The following KANK1 variants were observed in gnomAD, a reference collection of about 807,000 sequenced individuals.
The protein encoded by KANK1 is KN motif and ankyrin repeat domains 1.
Under a neutral mutation model 106.2 loss-of-function variants are expected in KANK1, and 109 were observed. The ratio of observed to expected loss-of-function variants is 1.03; its 90% confidence interval spans 0.88 to 1.20. KANK1 has a LOEUF of 1.20. Among genes scored for constraint, KANK1 ranks in the 50% most tolerant of loss-of-function variants. The probability of loss-of-function intolerance (pLI) is 0.00; values close to 1 mark genes in which losing one functional copy is unlikely to be tolerated. For synonymous variants in KANK1, 873 were observed against 652.2 expected, an observed-to-expected ratio of 1.34 and a Z score of -5.16; for missense variants, 2,399 against 1,710.7, an observed-to-expected ratio of 1.40 and a Z score of -7.10.
intron 1 of KANK1, among the ~76,000 whole-genome samples, chr9:569,590 T>C (rs1257204433): frequency 6.6e-6 from 1 of 152,158 alleles, no homozygotes. Flanking sequence ...CTGTAAGAAA[T>C]AAATACCTTT....
intron 1 of KANK1, among the ~76,000 whole-genome samples, chr9:518,772 CAA>C (rs1350606952): frequency 6.6e-6 from 1 of 151,572 alleles, no homozygotes; most frequent in Non-Finnish European, 1.5e-5. Flanking sequence ...ATACAGTGAA[CAA>C]GAGAGGTGGA....
At chr9:562,042 C>CTTTTTTTTTTT (rs34419752) in intron 1 of KANK1, among the ~76,000 whole-genome samples, 7 of 104,926 alleles carry the variant, frequency 6.7e-5, no homozygotes, top group Admixed American at 1.3e-4. Flanking sequence ...ATTGCATTTT[C>CTTTTTTTTTTT]TTTTTTTTTT....
intron 1 of KANK1, among the ~76,000 whole-genome samples, chr9:627,950 CA>C (rs57957168): frequency 0.16 from 23,608 of 147,110 alleles, 2,003 homozygotes; most frequent in Admixed American, 0.18. Flanking sequence ...AAAATTACAA[CA>C]AAAAAAAAAG....
intron 1 of KANK1, among the ~76,000 whole-genome samples, chr9:609,503 C>T (rs1830092071): frequency 6.6e-6 from 1 of 151,844 alleles, no homozygotes; most frequent in East Asian, 1.9e-4. Context: ...GTGGCGTGCA[C>T]CCTTAGTCCC....
chr9:604,073 G>A lies in KANK1; in HGVS notation c.-83-72817G>A, dbSNP rs79252637. 1.2e-3 allele frequency among the ~76,000 whole-genome samples: 175 copies of A among 151,602 alleles called. 9 individuals are homozygous for A. The highest frequency in any genetic ancestry group is 4.0e-3 in the African/African-American group (165 of 41,056). ...GGAGAATGGAGTGTCAGTGATTTCA[G>A]CAAAAAGTTGGGGTACCAGTTCATA... On this transcript the variant is annotated intron_variant, in intron 1 of 11. Transcript: ENST00000382297.
intron 3 of KANK1, among the ~76,000 whole-genome samples, chr9:474,446 G>A (rs952931212): frequency 6.6e-6 from 1 of 152,168 alleles, no homozygotes; most frequent in Non-Finnish European, 1.5e-5. Flanking sequence ...ATGTATGAGG[G>A]CTAAATGAAA....
intron 1 of KANK1, among the ~76,000 whole-genome samples, chr9:512,264 C>T (rs937410374): frequency 4.7e-5 from 6 of 128,922 alleles, no homozygotes; most frequent in African/African-American, 2.3e-4. Flanking sequence ...TATATACACA[C>T]ACACAAGATT....
At chr9:632,918 T>A (rs1448416947) in intron 1 of KANK1, among the ~76,000 whole-genome samples, 2 of 152,082 alleles carry the variant, frequency 1.3e-5, no homozygotes, top group Admixed American at 1.3e-4. Context: ...GGTCTGGAAC[T>A]CCTGACCTCA....
At chr9:657,287 G>A (rs1442032882) in intron 1 of KANK1, among the ~76,000 whole-genome samples, 1 of 152,142 alleles carries the variant, frequency 6.6e-6, no homozygotes, top group Non-Finnish European at 1.5e-5. Flanking sequence ...TGGACTTTTA[G>A]GTTGCTTCTG....
intron 1 of KANK1, among the ~76,000 whole-genome samples, chr9:529,100 A>G (rs1453337003): frequency 1.3e-5 from 2 of 149,270 alleles, no homozygotes; most frequent in Non-Finnish European, 3.0e-5. Flanking sequence ...TGCCTGGCCC[A>G]TGGCTCAGAT....
chr9:611,237 C>G (rs1830475457), intron 1 of KANK1, among the ~76,000 whole-genome samples: 4 of 152,244 alleles, frequency 2.6e-5, no homozygotes, highest in African/African-American at 9.6e-5. Context: ...CTAAAAACAA[C>G]AGGCAAACTA....
intron 1 of KANK1, among the ~76,000 whole-genome samples, chr9:566,677 C>T (rs1269208535): frequency 6.6e-6 from 1 of 152,172 alleles, no homozygotes; most frequent in Non-Finnish European, 1.5e-5. Flanking sequence ...GGTGTCTGTT[C>T]ATGCCTTTGC....
chr9:679,901 G>T (rs1885924), intron 2 of KANK1, among the ~76,000 whole-genome samples: 2 of 151,912 alleles, frequency 1.3e-5, no homozygotes, highest in African/African-American at 4.8e-5. Context: ...GTATTACAAA[G>T]GAAACACCTC....
rs114084957 is a variant in KANK1, at chr9:636,562, T to C, written c.-83-40328T>C. Among the ~76,000 whole-genome samples the C allele has an allele frequency of 5.3e-3, 800 of 152,322 alleles. 5 individuals carry two copies. The highest frequency in any genetic ancestry group is 0.018 in the African/African-American group (753 of 41,552). On this transcript the variant is annotated intron_variant, in intron 1 of 11. Coordinates refer to ENST00000382297, the MANE Select transcript of KANK1 (RefSeq NM_015158.5). ...TCATAACTTGCTGGGCATTCTGTCC[T>C]GTACACCTTTAAACAACCTTCCTGG...
At chr9:706,957 G>T in intron 2 of KANK1, 3 of 985,488 alleles carry the variant, frequency 3.0e-6, no homozygotes, top group Non-Finnish European at 3.6e-6. Context: ...TGGCAAAGCG[G>T]GAGTGAAGAA....
chr9:740,934 G>C lies in KANK1; in HGVS notation c.3696G>C (p.Gln1232His). Residue 1232 changes from glutamine (Q) to histidine (H), a missense_variant and splice_region_variant, in exon 9 of 12, where the codon CAG becomes CAC. Coordinates refer to ENST00000382297, the MANE Select transcript of KANK1 (RefSeq NM_015158.5). ...GGGATGTGAATGCCAAAGCTAGTCAGGTTAGTGCGCCTGGTTCCTGTGCTC... is the reference window on the plus strand; with the variant it reads ...GGGATGTGAATGCCAAAGCTAGTCACGTTAGTGCGCCTGGTTCCTGTGCTC... ...GCGDVNAKAS[Q>H]AGQTALMLAV... 6.2e-7 allele frequency: 1 copy of C among 1,614,084 alleles called. No homozygotes were observed. Among genetic ancestry groups the C allele is most frequent in the South Asian group, 1.1e-5 (1 of 91,072 alleles).
At chr9:572,318 G>T (rs1014684527) in intron 1 of KANK1, among the ~76,000 whole-genome samples, 1 of 151,800 alleles carries the variant, frequency 6.6e-6, no homozygotes, top group Non-Finnish European at 1.5e-5. Flanking sequence ...GCCATACCCA[G>T]CTATTTCGGA....
chr9:608,911 T>C (rs1476172146), intron 1 of KANK1, among the ~76,000 whole-genome samples: 1 of 152,166 alleles, frequency 6.6e-6, no homozygotes, highest in Non-Finnish European at 1.5e-5. Context: ...ATTGCTTCAA[T>C]AGAGCATTTT....
At chr9:648,334 A>G (rs1840167641) in intron 1 of KANK1, among the ~76,000 whole-genome samples, 2 of 152,058 alleles carry the variant, frequency 1.3e-5, no homozygotes, top group South Asian at 4.1e-4. Context: ...TTAACTGCAT[A>G]GTAGTTAGTT....
Sources: gnomAD v4.1 joint callset for allele counts (sites outside exome capture counted in the v4.1 genomes callset) on GRCh38, gnomAD v4.1.1 for gene constraint, MANE v1.5 for transcripts, NCBI Gene and HGNC (gene_info 2026-07-23, HGNC 2026-07-21) for gene names.